TMEM132B: variants seen among roughly 807,000 people sequenced by gnomAD.
TMEM132B encodes transmembrane protein 132B.
A neutral mutation model predicts 90.8 loss-of-function variants in TMEM132B; 18 were observed. The observed-to-expected ratio is 0.20, with a 90% CI of 0.14 to 0.29. The LOEUF (loss-of-function observed/expected upper bound fraction) is 0.29. Among genes scored for constraint, TMEM132B ranks in the 10% least tolerant of loss-of-function variants. The pLI, the probability that TMEM132B is intolerant of heterozygous loss-of-function variation, is 1.00. For missense variants in TMEM132B, 1,096 were observed against 1,326.8 expected, an observed-to-expected ratio of 0.83 and a Z score of 2.70; for synonymous variants, 504 against 523.3, an observed-to-expected ratio of 0.96 and a Z score of 0.50.
At chr12:125,428,096 A>G (rs1368059125) in intron 3 of TMEM132B, among the ~76,000 whole-genome samples, 1 of 152,010 alleles carries the variant, frequency 6.6e-6, no homozygotes, top group East Asian at 1.9e-4. Context: ...TTCTGGGCTC[A>G]GTGATCCACC....
intron 1 of TMEM132B, among the ~76,000 whole-genome samples, chr12:125,230,038 C>A (rs969993050): frequency 2.0e-5 from 3 of 152,094 alleles, no homozygotes; most frequent in Non-Finnish European, 4.4e-5. Context: ...GGACAAGGGC[C>A]GGGAACAGGG....
At chr12:125,369,021 C>G (rs951342693) in intron 2 of TMEM132B, among the ~76,000 whole-genome samples, 3 of 151,134 alleles carry the variant, frequency 2.0e-5, no homozygotes, top group African/African-American at 7.3e-5. Flanking sequence ...TCCCTCCCCC[C>G]TCCCCCGGCC....
chr12:125,648,018 G>A (rs1886810539), intron 6 of TMEM132B, among the ~76,000 whole-genome samples: 1 of 147,930 alleles, frequency 6.8e-6, no homozygotes, highest in Admixed American at 6.8e-5. Flanking sequence ...TCGTCATCTA[G>A]CATTAGGTAT....
At chr12:125,632,777 C>T (rs548164079) in intron 5 of TMEM132B, among the ~76,000 whole-genome samples, 248 of 152,084 alleles carry the variant, frequency 1.6e-3, no homozygotes, top group Non-Finnish European at 2.9e-3. Flanking sequence ...TATTGAGGCT[C>T]CATTGTATGT....
intron 2 of TMEM132B, among the ~76,000 whole-genome samples, chr12:125,389,013 TACACACACACACACACAC>T (rs71447042): frequency 4.3e-5 from 6 of 140,094 alleles, no homozygotes; most frequent in Non-Finnish European, 9.3e-5. Flanking sequence ...ATATTTTCTG[TACACACACACACACACAC>T]ACACACACAC....
intron 5 of TMEM132B, among the ~76,000 whole-genome samples, chr12:125,609,671 G>C (rs10846930): frequency 6.6e-6 from 1 of 151,690 alleles, no homozygotes; most frequent in Admixed American, 6.6e-5. Context: ...TAAAAAATTA[G>C]CCGGGCGTGG....
intron 3 of TMEM132B, among the ~76,000 whole-genome samples, chr12:125,442,344 G>A (rs1334499194): frequency 6.6e-6 from 1 of 152,142 alleles, no homozygotes; most frequent in African/African-American, 2.4e-5. Flanking sequence ...TCCACTCATT[G>A]GGGGATGTTT....
intron 3 of TMEM132B, among the ~76,000 whole-genome samples, chr12:125,451,130 A>G (rs1881138762): frequency 1.3e-5 from 2 of 152,198 alleles, no homozygotes; most frequent in Non-Finnish European, 2.9e-5. Context: ...TGTCCTGGGG[A>G]AAAAATTGCT....
intron 1 of TMEM132B, among the ~76,000 whole-genome samples, chr12:125,211,298 T>G (rs1450781414): frequency 6.6e-6 from 1 of 152,186 alleles, no homozygotes; most frequent in Non-Finnish European, 1.5e-5. Context: ...CCCATGGAGT[T>G]GTTGGGTATG....
At chr12:125,373,294 A>G (rs1878357797) in intron 2 of TMEM132B, among the ~76,000 whole-genome samples, 1 of 152,076 alleles carries the variant, frequency 6.6e-6, no homozygotes, top group Non-Finnish European at 1.5e-5. Flanking sequence ...GTGTCCCCCA[A>G]AGTTCCTGTG....
At chr12:125,474,936 T>C (rs1348258659) in intron 3 of TMEM132B, among the ~76,000 whole-genome samples, 1 of 152,220 alleles carries the variant, frequency 6.6e-6, no homozygotes, top group African/African-American at 2.4e-5. Flanking sequence ...TCATGGACTC[T>C]AAAGAAAGCC....
At chr12:125,205,240 A>G (rs1454708434) in intron 1 of TMEM132B, among the ~76,000 whole-genome samples, 3 of 151,874 alleles carry the variant, frequency 2.0e-5, no homozygotes, top group Non-Finnish European at 4.4e-5. Flanking sequence ...TCCGTGTGCC[A>G]GGCAGGGTGC....
chr12:125,413,231 A>C (rs1245005423), intron 2 of TMEM132B, among the ~76,000 whole-genome samples: 2 of 151,848 alleles, frequency 1.3e-5, no homozygotes, highest in Non-Finnish European at 2.9e-5. Context: ...TGGGTCTTAT[A>C]GGTGTTTTGG....
In TMEM132B at chr12:125,406,413, G is replaced by C. The variant is rs1480611072; in HGVS notation, c.960-9118G>C. Among the ~76,000 whole-genome samples the C allele has an allele frequency of 6.6e-6, 1 of 152,192 alleles. No individual in the cohort carries two copies. Among genetic ancestry groups the C allele is most frequent in the Non-Finnish European group, 1.5e-5 (1 of 68,030 alleles). On this transcript the variant is annotated intron_variant, in intron 2 of 8. Transcript: ENST00000682704. This position sits in a 1 kb window ranked among gnomAD's most constrained non-coding sequence, Gnocchi z 8.3. ...AGGGGCTTGAGACATTTCAGCATTT[G>C]TGAACAAGTTCTTTTTCTACTGTGA...
chr12:125,377,060 G>A (rs770691701), intron 2 of TMEM132B, among the ~76,000 whole-genome samples: 5 of 152,326 alleles, frequency 3.3e-5, no homozygotes, highest in East Asian at 3.9e-4. Flanking sequence ...AGAGAGGCTC[G>A]CTGAGAGTGG....
chr12:125,584,535 AT>A (rs972657241), intron 5 of TMEM132B: 8 of 152,740 alleles, frequency 5.2e-5, no homozygotes, highest in Admixed American at 4.5e-4. Context: ...GGTGTATTAC[AT>A]TTTTTGTTAA....
chr12:125,635,690 G>T (rs1886463135), intron 5 of TMEM132B, among the ~76,000 whole-genome samples: 1 of 152,100 alleles, frequency 6.6e-6, no homozygotes. Context: ...TGGCATTTCT[G>T]GTTCTAGATC....
At position 125,659,020 on chromosome 12, in the gene TMEM132B, A is replaced by G. The variant is rs1391060636; in HGVS notation, c.*4310A>G. 6.6e-6 allele frequency: 1 copy of G among 152,250 alleles called. No individual in the cohort carries two copies. The highest frequency in any genetic ancestry group is 1.9e-4 in the East Asian group (1 of 5,204). The allele number at this position is 152,250 out of a possible 1,614,324, so 9.4% of individuals were successfully genotyped here. ...CACAGGGTAACACATCGTTTTTAAC[A>G]TGAAAATAAACATTTAAACATTCTT... is the stretch of plus-strand genomic sequence containing the variant. On this transcript the variant is annotated 3_prime_UTR_variant, in exon 9 of 9. Coordinates refer to ENST00000682704, the MANE Select transcript of TMEM132B (RefSeq NM_001366854.1).
chr12:125,354,324 A>G (rs180738319), intron 2 of TMEM132B, among the ~76,000 whole-genome samples: 2 of 152,362 alleles, frequency 1.3e-5, no homozygotes, highest in East Asian at 3.8e-4. Context: ...CAAATATTTA[A>G]GAGAGTTACC....
Sources: allele counts gnomAD v4.1 joint callset (sites outside exome capture counted in the v4.1 genomes callset), GRCh38; gene constraint gnomAD v4.1.1; non-coding constraint Gnocchi (gnomAD v3.1); transcripts MANE v1.5; gene names NCBI Gene and HGNC (gene_info 2026-07-23, HGNC 2026-07-21).